COL21A1: variants seen among roughly 807,000 people sequenced by gnomAD.
COL21A1 encodes collagen alpha-1(XXI) chain.
A neutral mutation model predicts 137.9 loss-of-function variants in COL21A1; 149 were observed. That is an observed-to-expected ratio of 1.08 (90% CI 0.95 to 1.24). COL21A1 has a LOEUF of 1.24. Ranked by LOEUF, COL21A1 falls within the 50% of genes most tolerant of loss-of-function variation. The pLI is 0.00. For missense variants in COL21A1, 1,167 were observed against 1,158.4 expected (o/e 1.01, Z -0.11); for synonymous variants, 456 against 391.5 (o/e 1.16, Z -1.95).
chr6:56,099,969 A>G (rs1770305796), intron 17 of COL21A1, among the ~76,000 whole-genome samples: 1 of 152,130 alleles, frequency 6.6e-6, no homozygotes, highest in African/African-American at 2.4e-5. Context: ...GAGCTCATAC[A>G]CTGCCTCTAA....
chr6:56,069,194 T>A, intron 21 of COL21A1, 77 bp from the exon 22 acceptor site: 2 of 820,664 alleles, frequency 2.4e-6, no homozygotes, highest in Non-Finnish European at 3.7e-6. Flanking sequence ...TCTCTACATA[T>A]CTCAATTTTA....
rs567723988 is a variant in COL21A1 at position 56,240,897 on chromosome 6, G to A, written c.-39+6490C>T. Among the ~76,000 whole-genome samples the A allele has an allele frequency of 5.9e-5, 9 of 152,094 alleles. No individual in the cohort carries two copies. The South Asian group carries it at 1.0e-3, about 18-fold the overall frequency. ...ATAATTTAGATTATAGGTACCTATC[G>A]CTCACACTTCACACTCACATGTTTG... is the stretch of plus-strand genomic sequence containing the variant. On this transcript the variant is annotated intron_variant, in intron 1 of 29. Coordinates refer to ENST00000244728, the MANE Select transcript of COL21A1 (RefSeq NM_030820.4).
Position 56,126,084 on chromosome 6 carries a change from G to A in COL21A1, c.1596+12C>T. On this transcript the variant is annotated intron_variant, in intron 13 of 29. Transcript: ENST00000244728. ...GGCTTTGCTATATTTAAAAGAAACA[G>A]ATTTCTTCAACCTTTGATCCTGGCA... The A allele has an allele frequency of 6.6e-7, 1 of 1,522,688 alleles. No individual in the cohort carries two copies. Among genetic ancestry groups the A allele is most frequent in the Non-Finnish European group, 8.9e-7 (1 of 1,127,386 alleles). 94.3% of individuals were successfully genotyped at this position (1,522,688 alleles called of 1,614,324 possible).
At chr6:56,136,024 G>A (rs1010068385) in intron 12 of COL21A1, among the ~76,000 whole-genome samples, 2 of 152,092 alleles carry the variant, frequency 1.3e-5, no homozygotes, top group Non-Finnish European at 2.9e-5. Context: ...TCTGGCATAT[G>A]GGAAATCATA....
chr6:56,164,049 A>G (rs539507843), intron 9 of COL21A1, among the ~76,000 whole-genome samples: 1 of 152,324 alleles, frequency 6.6e-6, no homozygotes, highest in African/African-American at 2.4e-5. Flanking sequence ...TATTTTGACA[A>G]ATTAAGAACT....
intron 1 of COL21A1, among the ~76,000 whole-genome samples, chr6:56,317,195 T>C (rs1764758131): frequency 6.6e-6 from 1 of 152,176 alleles, no homozygotes; most frequent in African/African-American, 2.4e-5. Flanking sequence ...TCACTGGTTT[T>C]CAATTTGTTC....
rs568546743 is a variant in COL21A1 at position 56,303,777 on chromosome 6, G to A, written c.-39+90194C>T. On this transcript the variant is annotated intron_variant, in intron 1 of 28. Transcript: ENST00000370819. ...GAACTTCCAACACTATGTTGAATAG[G>A]AGTGGTGAGAGAGGGCATCCCTGTC... Among the ~76,000 whole-genome samples, 41 of 152,232 alleles carry A rather than the reference G, an allele frequency of 2.7e-4. 2 individuals are homozygous for A. The highest frequency in any genetic ancestry group is 9.9e-4 in the African/African-American group (41 of 41,540).
chr6:56,158,266 C>CTTTTTTTTTTTTTTTTTTTTTTTTTTTCT (rs67453245), intron 9 of COL21A1, among the ~76,000 whole-genome samples: 1 of 62,402 alleles, frequency 1.6e-5, no homozygotes, highest in Non-Finnish European at 2.8e-5. Context: ...TTTTTTTTTT[C>CTTTTTTTTTTTTTTTTTTTTTTTTTTTCT]TTTTTTTTTT....
chr6:56,320,427 C>T (rs1415515679), intron 1 of COL21A1, among the ~76,000 whole-genome samples: 1 of 151,980 alleles, frequency 6.6e-6, no homozygotes, highest in Non-Finnish European at 1.5e-5. Context: ...GACCAGGCCA[C>T]TTCCAAACTC....
At chr6:56,306,501 C>A (rs1000518669) in intron 1 of COL21A1, among the ~76,000 whole-genome samples, 2 of 152,166 alleles carry the variant, frequency 1.3e-5, no homozygotes, top group African/African-American at 2.4e-5. Context: ...TCACTGATAC[C>A]CTTTCTTCCA....
chr6:56,350,763 T>C (rs1765695974), intron 1 of COL21A1, among the ~76,000 whole-genome samples: 1 of 152,166 alleles, frequency 6.6e-6, no homozygotes, highest in Non-Finnish European at 1.5e-5. Flanking sequence ...CATAAGTTAG[T>C]AACCTAGGGC....
Position 56,353,835 on chromosome 6 carries a change from T to C in COL21A1, c.-39+40136A>G, listed in dbSNP as rs913497848. The stretch of plus-strand genomic sequence containing the variant: ...CAGGGAACAGAAGAATACTTAAACA[T>C]AAAGCTGAGAAAATCAACAAAAAGT... On this transcript the variant is annotated intron_variant, in intron 1 of 28. Transcript: ENST00000370819. Among the ~76,000 whole-genome samples the C allele has an allele frequency of 1.6e-4, 25 of 151,754 alleles. No individual in the cohort carries two copies. In the South Asian group the frequency reaches 2.1e-3, roughly 13 times the overall value.
At chr6:56,289,052 G>T (rs1009298044) in intron 1 of COL21A1, among the ~76,000 whole-genome samples, 1 of 152,088 alleles carries the variant, frequency 6.6e-6, no homozygotes, top group East Asian at 1.9e-4. Flanking sequence ...ACTTTAAAAT[G>T]GAGACAAATT....
intron 1 of COL21A1, among the ~76,000 whole-genome samples, chr6:56,357,808 C>A (rs1468407538): frequency 6.6e-6 from 1 of 152,148 alleles, no homozygotes; most frequent in Non-Finnish European, 1.5e-5. Context: ...CCAAGCCTTG[C>A]AGAAGAGGTA....
intron 1 of COL21A1, among the ~76,000 whole-genome samples, chr6:56,246,839 T>A (rs946507509): frequency 6.6e-6 from 1 of 151,040 alleles, no homozygotes; most frequent in African/African-American, 2.5e-5. Flanking sequence ...TGGAATCACC[T>A]GACAAAAGTT....
intron 16 of COL21A1, among the ~76,000 whole-genome samples, chr6:56,107,333 A>G (rs989737998): frequency 1.3e-5 from 2 of 152,020 alleles, no homozygotes; most frequent in Non-Finnish European, 2.9e-5. Context: ...AGACAAATAA[A>G]TTTCAATATA....
intron 1 of COL21A1, among the ~76,000 whole-genome samples, chr6:56,325,996 A>ATATTATATATTATAAAATATATAT: frequency 7.6e-4 from 1 of 1,320 alleles, no homozygotes; most frequent in East Asian, 0.042. Flanking sequence ...ATATGTATAT[A>ATATTATATATTATAAAATATATAT]CATACATATA....
intron 1 of COL21A1, among the ~76,000 whole-genome samples, chr6:56,206,003 A>G (rs879847074): frequency 1.3e-5 from 2 of 152,176 alleles, no homozygotes; most frequent in Non-Finnish European, 2.9e-5. Context: ...TGGAGAGGAA[A>G]AACTGGTAGC....
intron 17 of COL21A1, among the ~76,000 whole-genome samples, chr6:56,099,361 C>T (rs541201896): frequency 1.7e-4 from 25 of 151,230 alleles, no homozygotes; most frequent in African/African-American, 5.6e-4. Context: ...AGCCCCTCTC[C>T]GAGTAGCTGG....
Sources: gnomAD v4.1 joint callset for allele counts (sites outside exome capture counted in the v4.1 genomes callset) on GRCh38, gnomAD v4.1.1 for gene constraint, MANE v1.5 for transcripts, NCBI Gene and HGNC (gene_info 2026-07-23, HGNC 2026-07-21) for gene names.